ECHDC1: variants seen among roughly 807,000 people sequenced by gnomAD.
ECHDC1 encodes ethylmalonyl-CoA decarboxylase 1.
In ECHDC1, 29 loss-of-function variants were observed where a neutral mutation model predicts 29.7. The ratio of observed to expected loss-of-function variants is 0.98; its 90% confidence interval spans 0.73 to 1.33. ECHDC1 has a LOEUF of 1.33. Among genes scored for constraint, ECHDC1 ranks in the 40% most tolerant of loss-of-function variants. ECHDC1 has a pLI of 0.00. For missense variants in ECHDC1, 328 were observed against 350.0 expected (o/e 0.94, Z 0.50); for synonymous variants, 126 against 123.1 (o/e 1.02, Z -0.15).
At chr6:127,337,469 T>C (rs1271427891) in intron 1 of ECHDC1, among the ~76,000 whole-genome samples, 1 of 152,174 alleles carries the variant, frequency 6.6e-6, no homozygotes, top group Non-Finnish European at 1.5e-5. Flanking sequence ...AAAGTTTAAA[T>C]TTACCTATAC....
intron 5 of ECHDC1, among the ~76,000 whole-genome samples, chr6:127,296,158 A>T (rs1379386782): frequency 1.3e-5 from 2 of 152,220 alleles, no homozygotes; most frequent in Admixed American, 6.5e-5. Context: ...TGCAACTTTT[A>T]AAAAGATTGA....
At chr6:127,313,099 G>T (rs12529077) in intron 5 of ECHDC1, 82,040 of 152,148 alleles carry the variant, frequency 0.54, 24,244 homozygotes, top group Non-Finnish European at 0.68. Context: ...AATCTTGATT[G>T]TGGAGGTGGT....
chr6:127,326,020 A>G (rs1783298047), intron 3 of ECHDC1, among the ~76,000 whole-genome samples: 2 of 152,156 alleles, frequency 1.3e-5, no homozygotes, highest in African/African-American at 2.4e-5. Context: ...ACTATTTTAG[A>G]TTCCATATAT....
At chr6:127,319,510 G>C (rs1782668420) in intron 3 of ECHDC1, among the ~76,000 whole-genome samples, 1 of 152,124 alleles carries the variant, frequency 6.6e-6, no homozygotes, top group Non-Finnish European at 1.5e-5. Flanking sequence ...AAGCAGTAAT[G>C]GCCAACATGC....
chr6:127,342,441 C>T, intron 1 of ECHDC1: 2 of 1,493,534 alleles, frequency 1.3e-6, no homozygotes, highest in South Asian at 1.3e-5. Context: ...ATTATACAGT[C>T]GCCTTTCAGG....
At chr6:127,309,708 AAGAAAAGAG>A (rs1221537307) in intron 5 of ECHDC1, among the ~76,000 whole-genome samples, 1 of 152,166 alleles carries the variant, frequency 6.6e-6, no homozygotes, top group African/African-American at 2.4e-5. Context: ...GTAATTTATG[AAGAAAAGAG>A]GTTTAATTGA....
intron 5 of ECHDC1, among the ~76,000 whole-genome samples, chr6:127,310,496 TG>T (rs760394674): frequency 8.5e-5 from 13 of 152,138 alleles, no homozygotes; most frequent in Admixed American, 5.9e-4. Flanking sequence ...GCAGATGTGA[TG>T]GAAGTAGCAA....
chr6:127,300,055 TATG>T (rs1336064822), intron 5 of ECHDC1, among the ~76,000 whole-genome samples: 1 of 152,184 alleles, frequency 6.6e-6, no homozygotes, highest in African/African-American at 2.4e-5. Context: ...AGCTACATAC[TATG>T]ATGTCTGCAC....
intron 5 of ECHDC1, among the ~76,000 whole-genome samples, chr6:127,309,988 A>G (rs1781771310): frequency 6.6e-6 from 1 of 152,196 alleles, no homozygotes; most frequent in African/African-American, 2.4e-5. Flanking sequence ...ATTGAGGATT[A>G]CAATTCAACA....
chr6:127,338,820 T>G (rs902774085), intron 1 of ECHDC1, among the ~76,000 whole-genome samples: 1 of 152,156 alleles, frequency 6.6e-6, no homozygotes, highest in African/African-American at 2.4e-5. Context: ...AACACAGATG[T>G]GATGAATGAA....
intron 1 of ECHDC1, among the ~76,000 whole-genome samples, chr6:127,337,788 C>A (rs1784564452): frequency 6.6e-6 from 1 of 152,200 alleles, no homozygotes; most frequent in Non-Finnish European, 1.5e-5. Flanking sequence ...CCCTCCCATA[C>A]TCAACCATTA....
In ECHDC1 at chr6:127,290,196, T is replaced by C; in HGVS notation, c.579A>G (p.Leu193=). The C allele has an allele frequency of 6.2e-7, 1 of 1,613,690 alleles. No individual in the cohort carries two copies. Among genetic ancestry groups the C allele is most frequent in the Non-Finnish European group, 8.5e-7 (1 of 1,179,744 alleles). Residue 193 remains leucine, a synonymous_variant, in exon 6 of 6, where the codon CTA becomes CTG. Coordinates refer to ENST00000454859, the MANE Select transcript of ECHDC1 (RefSeq NM_001002030.2). ...IIPSWGGTTR[L]VEIIGSRQAL... The stretch of plus-strand genomic sequence containing the variant: ...CTTGTCTACTTCCGATTATTTCAAC[T>C]AGCCGGGTGGTGCCACCCCAGCTTG...
At chr6:127,311,773 A>C (rs1204479900) in intron 5 of ECHDC1, among the ~76,000 whole-genome samples, 1 of 136,730 alleles carries the variant, frequency 7.3e-6, no homozygotes, top group Non-Finnish European at 1.6e-5. Context: ...ACAGATCTTG[A>C]CTGAATCCTG....
At chr6:127,326,221 G>C (rs936586675) in intron 3 of ECHDC1, among the ~76,000 whole-genome samples, 3 of 152,108 alleles carry the variant, frequency 2.0e-5, no homozygotes, top group Non-Finnish European at 4.4e-5. Context: ...TTGTGATAGT[G>C]AATGAGTTCT....
chr6:127,336,857 T>C (rs1784466056), intron 1 of ECHDC1, among the ~76,000 whole-genome samples: 2 of 152,190 alleles, frequency 1.3e-5, no homozygotes, highest in Admixed American at 1.3e-4. Context: ...AATGTAAATA[T>C]CAAGTTGCCT....
At chr6:127,328,103 C>T (rs1378283284) in intron 2 of ECHDC1, among the ~76,000 whole-genome samples, 1 of 152,194 alleles carries the variant, frequency 6.6e-6, no homozygotes, top group Non-Finnish European at 1.5e-5. Context: ...ATGTCAAGAA[C>T]TATTATTTTC....
At chr6:127,339,420 T>C (rs891561097) in intron 1 of ECHDC1, among the ~76,000 whole-genome samples, 1 of 151,718 alleles carries the variant, frequency 6.6e-6, no homozygotes, top group African/African-American at 2.4e-5. Flanking sequence ...GGTATTATGG[T>C]ACCTAGTCAT....
At chr6:127,339,252 T>G (rs551538367) in intron 1 of ECHDC1, among the ~76,000 whole-genome samples, 2 of 149,994 alleles carry the variant, frequency 1.3e-5, no homozygotes, top group East Asian at 3.9e-4. Context: ...TAAAAAATCA[T>G]GCACAACCAG....
intron 3 of ECHDC1, among the ~76,000 whole-genome samples, chr6:127,318,571 C>A (rs1782580210): frequency 6.6e-6 from 1 of 152,132 alleles, no homozygotes; most frequent in South Asian, 2.1e-4. Flanking sequence ...TGAACAAACT[C>A]AGAAGAGTGT....
Sources: gnomAD v4.1 joint callset for allele counts (sites outside exome capture counted in the v4.1 genomes callset) on GRCh38, gnomAD v4.1.1 for gene constraint, MANE v1.5 for transcripts, NCBI Gene and HGNC (gene_info 2026-07-23, HGNC 2026-07-21) for gene names.